Variants in AFG2A observed in about 807,000 individuals in gnomAD.
The protein encoded by AFG2A is AAA ATPase AFG2A, also known as ATPase family gene 2 protein homolog A.
the AFG2A span, among the ~76,000 whole-genome samples, chr4:123,279,244 C>T: frequency 6.6e-6 from 1 of 151,984 alleles, no homozygotes; most frequent in Non-Finnish European, 1.5e-5. Context: ...GGTGAAACCC[C>T]ATCTCTACTA....
the AFG2A span, among the ~76,000 whole-genome samples, chr4:123,242,154 G>A: frequency 2.2e-3 from 334 of 151,202 alleles, 2 homozygotes; most frequent in Middle Eastern, 0.014. Context: ...AAGATGGGAA[G>A]AATCAATATT....
chr4:123,313,703 T>C, the AFG2A span, among the ~76,000 whole-genome samples: 1 of 152,266 alleles, frequency 6.6e-6, no homozygotes, highest in African/African-American at 2.4e-5. Flanking sequence ...AAGAACAGAA[T>C]GCTCTGTATA....
chr4:122,939,397 A>G, the AFG2A span, among the ~76,000 whole-genome samples: 10 of 152,186 alleles, frequency 6.6e-5, no homozygotes, highest in African/African-American at 2.4e-4. Flanking sequence ...ATGTTCTTTT[A>G]TTAATAAAAA....
chr4:123,275,700 C>T, the AFG2A span, among the ~76,000 whole-genome samples: 1 of 152,126 alleles, frequency 6.6e-6, no homozygotes, highest in East Asian at 1.9e-4. Context: ...TCTTTGTGTC[C>T]ATGTGTTCTT....
the AFG2A span, among the ~76,000 whole-genome samples, chr4:123,072,750 G>A: frequency 6.6e-6 from 1 of 152,084 alleles, no homozygotes; most frequent in Non-Finnish European, 1.5e-5. Context: ...AAGAAGTCCA[G>A]TCTAACATGG....
the AFG2A span, among the ~76,000 whole-genome samples, chr4:122,976,379 A>G: frequency 3.3e-5 from 5 of 152,226 alleles, no homozygotes; most frequent in Non-Finnish European, 7.3e-5. Flanking sequence ...CAAATAGCAA[A>G]GACAAAGAAC....
chr4:123,066,710 C>T, the AFG2A span, among the ~76,000 whole-genome samples: 1 of 152,210 alleles, frequency 6.6e-6, no homozygotes, highest in Non-Finnish European at 1.5e-5. Flanking sequence ...TTGAAAGTTA[C>T]TAAAATCAAT....
the AFG2A span, among the ~76,000 whole-genome samples, chr4:123,110,216 T>A: frequency 6.6e-6 from 1 of 152,156 alleles, no homozygotes; most frequent in African/African-American, 2.4e-5. Context: ...TTAAGAATAA[T>A]TTCTCATAAA....
At chr4:123,207,143 T>C in the AFG2A span, among the ~76,000 whole-genome samples, 1 of 152,186 alleles carries the variant, frequency 6.6e-6, no homozygotes, top group Non-Finnish European at 1.5e-5. Flanking sequence ...TAGAGAATTA[T>C]ATTTAAAATT....
chr4:122,930,343 A>G, the AFG2A span, among the ~76,000 whole-genome samples: 992 of 152,290 alleles, frequency 6.5e-3, 13 homozygotes, highest in African/African-American at 0.023. Flanking sequence ...TTATACTTTA[A>G]TGTCACCTTA....
the AFG2A span, among the ~76,000 whole-genome samples, chr4:123,231,921 G>A: frequency 6.6e-6 from 1 of 151,942 alleles, no homozygotes; most frequent in African/African-American, 2.4e-5. Context: ...TATGGGCATG[G>A]TTTGTGGTGA....
chr4:123,253,864 T>A, the AFG2A span, among the ~76,000 whole-genome samples: 1 of 152,216 alleles, frequency 6.6e-6, no homozygotes, highest in African/African-American at 2.4e-5. Context: ...CTCCATGTCC[T>A]TGATCGGTCT....
chr4:123,313,059 T>C, the AFG2A span, among the ~76,000 whole-genome samples: 1 of 152,214 alleles, frequency 6.6e-6, no homozygotes, highest in Non-Finnish European at 1.5e-5. Context: ...TCCCACAAGC[T>C]CTTTTCACTA....
the AFG2A span, among the ~76,000 whole-genome samples, chr4:123,101,213 G>C: frequency 6.6e-6 from 1 of 151,868 alleles, no homozygotes; most frequent in Non-Finnish European, 1.5e-5. Flanking sequence ...AATTGACATG[G>C]AGATAATTAG....
chr4:123,099,780 G>A, the AFG2A span, among the ~76,000 whole-genome samples: 1 of 151,564 alleles, frequency 6.6e-6, no homozygotes, highest in Non-Finnish European at 1.5e-5. Flanking sequence ...ATCTACAATT[G>A]TTATTACATG....
chr4:123,052,311 T>A, the AFG2A span, among the ~76,000 whole-genome samples: 1 of 152,350 alleles, frequency 6.6e-6, no homozygotes, highest in South Asian at 2.1e-4. Context: ...ATGATTTCAG[T>A]ATCTCTGTTA....
chr4:123,285,171 A>G, the AFG2A span, among the ~76,000 whole-genome samples: 1 of 151,982 alleles, frequency 6.6e-6, no homozygotes, highest in African/African-American at 2.4e-5. Flanking sequence ...CTCCAATTAT[A>G]ATAACCAGCT....
chr4:123,002,540 G>A, the AFG2A span, among the ~76,000 whole-genome samples: 1,818 of 151,856 alleles, frequency 0.012, 41 homozygotes, highest in African/African-American at 0.041. Flanking sequence ...TCTGTAAAGT[G>A]TTTTATTTCT....
chr4:123,012,198 GCGCTTGTCCCC>G, the AFG2A span, among the ~76,000 whole-genome samples: 1 of 137,136 alleles, frequency 7.3e-6, no homozygotes, highest in Non-Finnish European at 1.6e-5. Flanking sequence ...GGGGTGGGGG[GCGCTTGTCCCC>G]CAGGAAAGTG....
Sources: gnomAD v4.1 joint callset for allele counts (sites outside exome capture counted in the v4.1 genomes callset) on GRCh38, gnomAD v4.1.1 for gene constraint, MANE v1.5 for transcripts, NCBI Gene and HGNC (gene_info 2026-07-23, HGNC 2026-07-21) for gene names.